GJA1: variants seen among roughly 807,000 people sequenced by gnomAD.
The protein encoded by GJA1 is gap junction protein alpha 1.
Under a neutral mutation model 31.0 loss-of-function variants are expected in GJA1, and 9 were observed. The ratio of observed to expected loss-of-function variants is 0.29; its 90% CI spans 0.17 to 0.51. GJA1 has a LOEUF of 0.51. Ranked by LOEUF, GJA1 falls within the 20% of genes least tolerant of loss-of-function variation. The pLI is 0.98. For synonymous variants in GJA1, 186 were observed against 180.1 expected (o/e 1.03, Z -0.26); for missense variants, 278 against 468.8 (o/e 0.59, Z 3.76).
rs538330262 is a variant in GJA1 at position 121,440,645 on chromosome 6, CT to C, written c.-17+4828del. Among the ~76,000 whole-genome samples, 757 of 137,274 alleles carry C rather than the reference CT, an allele frequency of 5.5e-3. 1 individual carries two copies. Among genetic ancestry groups the C allele is most frequent in the Middle Eastern group, 0.015 (4 of 272 alleles). 90.1% of individuals were successfully genotyped at this position (137,274 alleles called of 152,430 possible). Reference sequence around the variant, plus strand: ...TCCCAAAGAGACAGAAAAAAACAAACTTTTTTTTTTTTTTTGCACAGTATCT... The same window carrying C: ...TCCCAAAGAGACAGAAAAAAACAAACTTTTTTTTTTTTTTGCACAGTATCT... On this transcript the variant is annotated intron_variant, in intron 1 of 1. Coordinates refer to ENST00000282561, the MANE Select transcript of GJA1 (RefSeq NM_000165.5).
chr6:121,435,804 G>C lies in GJA1; in HGVS notation c.-45G>C, dbSNP rs1773651518. 6.6e-6 allele frequency: 1 copy of C among 152,108 alleles called. No homozygotes were observed. The highest frequency in any genetic ancestry group is 6.5e-5 in the Admixed American group (1 of 15,268). The allele number at this position is 152,108 out of a possible 1,614,324, so 9.4% of individuals were successfully genotyped here. ...ATCCTCCAAGGAGTTCAATCACTTG[G>C]CGTGACTTCACTACTTTTAAGCAAA... On this transcript the variant is annotated 5_prime_UTR_variant, in exon 1 of 2. Transcript: ENST00000282561.
At chr6:121,440,207 CTT>C (rs3840370) in intron 1 of GJA1, among the ~76,000 whole-genome samples, 8,514 of 145,676 alleles carry the variant, frequency 0.058, 389 homozygotes, top group East Asian at 0.23. Flanking sequence ...GTGTTTTTTC[CTT>C]TTTTTTTTTG....
In GJA1 at chr6:121,447,728, A is replaced by G. The variant is rs1439180567; in HGVS notation, c.881A>G (p.Asn294Ser). 1 of 1,613,950 alleles carries G rather than the reference A, an allele frequency of 6.2e-7. No individual in the cohort carries two copies. The highest frequency in any genetic ancestry group is 2.2e-5 in the East Asian group (1 of 44,882). ...PGYKLVTGDRNNSSCRNYNKQ... is the reference protein window; with the variant it reads ...PGYKLVTGDRSNSSCRNYNKQ... ...TACAAGCTGGTTACTGGCGACAGAA[A>G]CAATTCTTCTTGCCGCAATTACAAC... The change falls in exon 2 of 2, where the codon AAC becomes AGC. Residue 294 changes from asparagine to serine, a missense_variant. Coordinates refer to ENST00000282561, the MANE Select transcript of GJA1 (RefSeq NM_000165.5).
Position 121,449,295 on chromosome 6 carries a change from T to A in GJA1, c.*1299T>A, listed in dbSNP as rs945317035. The A allele has an allele frequency of 9.6e-5, 16 of 167,110 alleles. No individual in the cohort carries two copies. The highest frequency in any genetic ancestry group is 3.6e-4 in the African/African-American group (15 of 41,468). The allele number at this position is 167,110 out of a possible 1,614,324, so 10.4% of individuals were successfully genotyped here. ...AGTAACTGGTATTCTTGGGTTTTCC[T>A]ACTTAATACACAGTAATTCAGAACT... On this transcript the variant is annotated 3_prime_UTR_variant, in exon 2 of 2. Transcript: ENST00000282561.
At chr6:121,441,761 GT>G (rs1773796087) in intron 1 of GJA1, among the ~76,000 whole-genome samples, 1 of 152,088 alleles carries the variant, frequency 6.6e-6, no homozygotes, top group Non-Finnish European at 1.5e-5. Context: ...CGGAGTATAG[GT>G]TGGCAAGTAG....
chr6:121,438,166 G>T (rs1413740411), intron 1 of GJA1, among the ~76,000 whole-genome samples: 1 of 152,228 alleles, frequency 6.6e-6, no homozygotes, highest in Non-Finnish European at 1.5e-5. Context: ...TTCCCCCAGT[G>T]TGGGGGTGCT....
At chr6:121,445,982 A>G (rs947332507) in intron 1 of GJA1, among the ~76,000 whole-genome samples, 10 of 152,154 alleles carry the variant, frequency 6.6e-5, no homozygotes, top group African/African-American at 2.4e-4. Context: ...TGCACAAATT[A>G]CACTTGATAT....
intron 1 of GJA1, among the ~76,000 whole-genome samples, chr6:121,446,631 C>T (rs1773893979): frequency 6.6e-6 from 1 of 152,308 alleles, no homozygotes; most frequent in South Asian, 2.1e-4. Flanking sequence ...TTTGTCTCAA[C>T]AAACAAAACA....
chr6:121,439,460 A>C (rs1773727852), intron 1 of GJA1, among the ~76,000 whole-genome samples: 1 of 152,214 alleles, frequency 6.6e-6, no homozygotes, highest in Non-Finnish European at 1.5e-5. Flanking sequence ...AGGAAACGCC[A>C]AGGACTGATA....
chr6:121,436,138 T>A (rs1773657626), intron 1 of GJA1, among the ~76,000 whole-genome samples: 1 of 147,046 alleles, frequency 6.8e-6, no homozygotes, highest in Non-Finnish European at 1.5e-5. Flanking sequence ...TTTATTTTGT[T>A]TTTTTTTTGT....
chr6:121,447,972 T>G lies in GJA1; in HGVS notation c.1125T>G (p.Pro375=), dbSNP rs1315286390. 1.2e-6 allele frequency: 2 copies of G among 1,613,406 alleles called. No homozygotes were observed. Among genetic ancestry groups the G allele is most frequent in the East Asian group, 2.2e-5 (1 of 44,858 alleles). ...SRASSRASSR[P]RPDDLEI ...CCAGCAGTCGTGCCAGCAGCAGACC[T>G]CGGCCTGATGACCTGGAGATCTAGA... Residue 375 remains proline, a synonymous_variant, in exon 2 of 2, where the codon CCT becomes CCG. Coordinates refer to ENST00000282561, the MANE Select transcript of GJA1 (RefSeq NM_000165.5).
At chr6:121,446,631 C>A (rs1773893979) in intron 1 of GJA1, among the ~76,000 whole-genome samples, 1 of 152,190 alleles carries the variant, frequency 6.6e-6, no homozygotes, top group Non-Finnish European at 1.5e-5. Flanking sequence ...TTTGTCTCAA[C>A]AAACAAAACA....
intron 1 of GJA1, among the ~76,000 whole-genome samples, chr6:121,439,843 A>G (rs1004013342): frequency 2.0e-5 from 3 of 152,186 alleles, no homozygotes; most frequent in Admixed American, 1.3e-4. Flanking sequence ...ATTTATAAAT[A>G]TATTTTTACA....
intron 1 of GJA1, among the ~76,000 whole-genome samples, chr6:121,440,610 A>G (rs1309981888): frequency 6.6e-6 from 1 of 151,652 alleles, no homozygotes; most frequent in African/African-American, 2.4e-5. Flanking sequence ...TATAACTACA[A>G]TTAAGAGAAT....
At chr6:121,436,264 G>A (rs1773662440) in intron 1 of GJA1, among the ~76,000 whole-genome samples, 1 of 150,082 alleles carries the variant, frequency 6.7e-6, no homozygotes, top group African/African-American at 2.5e-5. Flanking sequence ...TTTGCTTAGC[G>A]TGCTTCCTAT....
intron 1 of GJA1, among the ~76,000 whole-genome samples, chr6:121,440,912 T>TCTG (rs1487912033): frequency 8.9e-4 from 127 of 142,300 alleles, no homozygotes; most frequent in African/African-American, 3.4e-3. Context: ...TGGCTACTTT[T>TCTG]TTGTTGTTGT....
rs1171070363 is a variant in GJA1 at position 121,447,409 on chromosome 6, A to G, written c.562A>G (p.Lys188Glu). ...GFSLSAVYTC[K>E]RDPCPHQVDC... ...CAGCTTGAGTGCTGTTTACACTTGC[A>G]AAAGAGATCCCTGCCCACATCAGGT... Residue 188 changes from lysine to glutamate, a missense_variant, in exon 2 of 2, where the codon AAA becomes GAA. Around this residue, in one of 3 missense-constraint regions of GJA1, gnomAD observed 80 missense variants for 163.5 expected, o/e 0.49. Transcript: ENST00000282561. The G allele has an allele frequency of 6.2e-7, 1 of 1,613,948 alleles. No individual in the cohort carries two copies. The highest frequency in any genetic ancestry group is 2.2e-5 in the East Asian group (1 of 44,876).
In GJA1 at chr6:121,447,613, C is replaced by A; in HGVS notation, c.766C>A (p.Pro256Thr). The change falls in exon 2 of 2, where the codon CCT (proline) becomes ACT (threonine). Residue 256 changes from proline (P) to threonine (T), a missense_variant. Coordinates refer to ENST00000282561, the MANE Select transcript of GJA1 (RefSeq NM_000165.5). ...PYHATSGALS[P>T]AKDCGSQKYA... ...CCATGCGACCAGTGGTGCGCTGAGCCCTGCCAAAGACTGTGGGTCTCAAAA... is the reference window on the plus strand; with the variant it reads ...CCATGCGACCAGTGGTGCGCTGAGCACTGCCAAAGACTGTGGGTCTCAAAA... 2 of 1,613,766 alleles carry A rather than the reference C, an allele frequency of 1.2e-6. No individual in the cohort carries two copies. Among genetic ancestry groups the A allele is most frequent in the Non-Finnish European group, 8.5e-7 (1 of 1,179,948 alleles).
chr6:121,437,870 C>A (rs1409300442), intron 1 of GJA1, among the ~76,000 whole-genome samples: 1 of 152,138 alleles, frequency 6.6e-6, no homozygotes, highest in African/African-American at 2.4e-5. Flanking sequence ...CTCCGAAAAT[C>A]GGGCGCATTT....
Sources: allele counts gnomAD v4.1 joint callset (sites outside exome capture counted in the v4.1 genomes callset), GRCh38; gene constraint gnomAD v4.1.1; regional missense constraint gnomAD v4.1.1; transcripts MANE v1.5; gene names NCBI Gene and HGNC (gene_info 2026-07-23, HGNC 2026-07-21).